The following PODXL variants were observed in gnomAD, a reference collection of about 807,000 sequenced individuals.
The protein encoded by PODXL is podocalyxin.
A neutral mutation model predicts 48.9 loss-of-function variants in PODXL; 20 were observed. That is an observed-to-expected ratio of 0.41 (90% confidence interval 0.29 to 0.59). PODXL has a LOEUF of 0.59. PODXL is among the 20% of genes least tolerant of loss of function. PODXL has a pLI of 0.31. For missense variants in PODXL, 606 were observed against 675.1 expected, an observed-to-expected ratio of 0.90 and a Z score of 1.13; for synonymous variants, 295 against 287.4, an observed-to-expected ratio of 1.03 and a Z score of -0.27.
rs370692433 is a variant in PODXL, at chr7:131,504,458, G to A, written c.1530C>T (p.Asn510=). The A allele has an allele frequency of 1.2e-6, 2 of 1,614,028 alleles. No homozygotes were observed. Among genetic ancestry groups the A allele is most frequent in the Non-Finnish European group, 1.7e-6 (2 of 1,179,968 alleles). The change falls in exon 9 of 9, where the codon AAC becomes AAT. Residue 510 remains asparagine, a synonymous_variant. Transcript: ENST00000378555. ...AGGTCTCCATCACTTCCAGTGTTGG[G>A]TTGTCATGGTAACCATTCTCCACTG... ...LQTVENGYHD[N]PTLEVMETSS...
chr7:131,521,163 A>AG lies in PODXL; in HGVS notation c.101-9731_101-9730insC, dbSNP rs112487991. On this transcript the variant is annotated intron_variant, in intron 1 of 8. Transcript: ENST00000378555. Reference sequence around the variant, plus strand: ...AGCCTGGGCGACTCCATCTCAAAAAAAAAAAAAAAGCTGAGAAGCCAAAAA... The same window carrying AG: ...AGCCTGGGCGACTCCATCTCAAAAAAGAAAAAAAAAGCTGAGAAGCCAAAAA... Among the ~76,000 whole-genome samples the AG allele has an allele frequency of 2.8e-3, 420 of 151,526 alleles. 7 individuals are homozygous for AG. The highest frequency in any genetic ancestry group is 9.6e-3 in the African/African-American group (395 of 41,316).
At chr7:131,541,290 T>A (rs778460953) in intron 1 of PODXL, among the ~76,000 whole-genome samples, 2 of 152,058 alleles carry the variant, frequency 1.3e-5, no homozygotes, top group African/African-American at 2.4e-5. Flanking sequence ...ACGATCCGAA[T>A]TTCTTTGGTG....
chr7:131,509,179 G>A (rs1246120640), intron 4 of PODXL, 151 bp from the exon 5 acceptor site: 6 of 839,882 alleles, frequency 7.1e-6, no homozygotes, highest in African/African-American at 1.7e-5. Flanking sequence ...TGTCCTGGCT[G>A]CGTGGCTTGA....
In PODXL at chr7:131,511,319, T is replaced by C. The variant is rs770115273; in HGVS notation, c.215A>G (p.Asn72Ser). Residue 72 changes from asparagine (N) to serine (S), a missense_variant, in exon 2 of 9, where the codon AAC (asparagine) becomes AGC (serine). By Grantham distance (46) the Asn-to-Ser change is conservative. Transcript: ENST00000378555. ...QQSTVPTSKA[N>S]EILASVKATT... Reference sequence around the variant, plus strand: ...CGCCTTGACCGAGGCCAAGATTTCGTTGGCCTTGGAAGTGGGGACTGTGCT... The same window carrying C: ...CGCCTTGACCGAGGCCAAGATTTCGCTGGCCTTGGAAGTGGGGACTGTGCT... The C allele has an allele frequency of 6.2e-6, 10 of 1,613,640 alleles. 1 individual carries two copies. The highest frequency in any genetic ancestry group is 3.3e-5 in the South Asian group (3 of 91,084).
At chr7:131,523,983 G>A (rs1046156440) in intron 1 of PODXL, among the ~76,000 whole-genome samples, 39 of 151,890 alleles carry the variant, frequency 2.6e-4, no homozygotes, top group Non-Finnish European at 5.4e-4. Context: ...TATTTTAGTA[G>A]AGACGGGGTT....
At chr7:131,551,841 G>A (rs1400202131) in intron 1 of PODXL, among the ~76,000 whole-genome samples, 1 of 151,864 alleles carries the variant, frequency 6.6e-6, no homozygotes, top group East Asian at 1.9e-4. Flanking sequence ...GGAGGCTGAG[G>A]CAGGAGAATG....
At chr7:131,531,860 C>T (rs1489894528) in intron 1 of PODXL, among the ~76,000 whole-genome samples, 3 of 151,822 alleles carry the variant, frequency 2.0e-5, no homozygotes, top group East Asian at 3.9e-4. Flanking sequence ...GCCTGTAATC[C>T]CGCACTTTGG....
rs1798185613 is a variant in PODXL, at chr7:131,526,356, T to C, written c.101-14923A>G. Among the ~76,000 whole-genome samples, 4 of 152,024 alleles carry C rather than the reference T, an allele frequency of 2.6e-5. No individual in the cohort carries two copies. The South Asian group carries it at 8.3e-4, about 32-fold the overall frequency. On this transcript the variant is annotated intron_variant, in intron 1 of 8. Coordinates refer to ENST00000378555, the MANE Select transcript of PODXL (RefSeq NM_001018111.3). Reference sequence around the variant, plus strand: ...CTGGATCGGAACCCCAAGAATAAAATAAATATCCACGAGTCTAATCTGATA... The same window carrying C: ...CTGGATCGGAACCCCAAGAATAAAACAAATATCCACGAGTCTAATCTGATA...
At chr7:131,520,878 A>T (rs530574804) in intron 1 of PODXL, among the ~76,000 whole-genome samples, 1 of 152,370 alleles carries the variant, frequency 6.6e-6, no homozygotes, top group African/African-American at 2.4e-5. Flanking sequence ...ACAAGAAAAA[A>T]GCTGAGAGGC....
intron 1 of PODXL, among the ~76,000 whole-genome samples, chr7:131,554,779 G>A (rs138245405): frequency 6.6e-6 from 1 of 152,288 alleles, no homozygotes; most frequent in Non-Finnish European, 1.5e-5. Context: ...CTTCTGGGTG[G>A]TTCTAAGAGG....
intron 1 of PODXL, among the ~76,000 whole-genome samples, chr7:131,547,771 C>A (rs1309473491): frequency 6.6e-6 from 1 of 152,246 alleles, no homozygotes; most frequent in Non-Finnish European, 1.5e-5. Flanking sequence ...CAGGTATGCA[C>A]CCCAAGCCCT....
chr7:131,509,825 C>T (rs1373074943), intron 3 of PODXL, among the ~76,000 whole-genome samples: 2 of 152,302 alleles, frequency 1.3e-5, no homozygotes, highest in East Asian at 3.9e-4. Context: ...AGGTACTTTC[C>T]TACTGAATCC....
At chr7:131,541,182 A>C (rs1464607766) in intron 1 of PODXL, among the ~76,000 whole-genome samples, 1 of 152,084 alleles carries the variant, frequency 6.6e-6, no homozygotes, top group Non-Finnish European at 1.5e-5. Flanking sequence ...TCACCCGCTT[A>C]CTCTGCAAAG....
At chr7:131,505,842 CT>C in intron 8 of PODXL, 25 bp downstream of exon 8, 2 of 1,542,480 alleles carry the variant, frequency 1.3e-6, no homozygotes, top group Non-Finnish European at 1.7e-6. Flanking sequence ...GCTGCTTCCC[CT>C]GTGTGGCTGC....
intron 1 of PODXL, among the ~76,000 whole-genome samples, chr7:131,513,738 G>T (rs751923015): frequency 1.3e-5 from 2 of 152,206 alleles, no homozygotes; most frequent in African/African-American, 2.4e-5. Flanking sequence ...GGTAAGCAGC[G>T]CTGGCCTCCC....
chr7:131,535,934 T>A (rs1049524104), intron 1 of PODXL, among the ~76,000 whole-genome samples: 10 of 152,130 alleles, frequency 6.6e-5, no homozygotes, highest in African/African-American at 1.9e-4. Context: ...ACTAATTAAT[T>A]TTTTGTAGAG....
rs542977535 is a variant in PODXL at position 131,506,636 on chromosome 7, G to C, written c.1192C>G (p.Arg398Gly). The change falls in exon 6 of 9, where the codon CGG (arginine) becomes GGG (glycine). Residue 398 changes from arginine (R) to glycine (G), a missense_variant. Physicochemically the swap from Arg to Gly is moderately radical, Grantham distance 125. Transcript: ENST00000378555. ...TGACTTCCTGGAACAGATGCCAGCC[G>C]TATGCCGCACTTATCTTGGGCCGGG... ...FNPAQDKCGI[R>G]LASVPGSQTV... is the part of the protein sequence containing the mutation. 2.5e-6 allele frequency: 4 copies of C among 1,614,156 alleles called. No homozygotes were observed. In the South Asian group the frequency reaches 4.4e-5, roughly 18 times the overall value.
chr7:131,527,666 CTCTT>C (rs2116827560), intron 1 of PODXL, among the ~76,000 whole-genome samples: 1 of 152,326 alleles, frequency 6.6e-6, no homozygotes, highest in Admixed American at 6.5e-5. Flanking sequence ...GTGTGGACAA[CTCTT>C]TCTCAAATGC....
rs56367324 is a variant in PODXL at position 131,510,335 on chromosome 7, GAAAAAAA to G, written c.707-11_707-5del. On this transcript the variant is annotated splice_region_variant and splice_polypyrimidine_tract_variant and intron_variant, in intron 2 of 8. Transcript: ENST00000378555. ...ACATGGTGAAACACTGTCTCTACTTGAAAAAAAAAAAAAAAAAAAAAAAAAAATTAGC... is the reference window on the plus strand; with the variant it reads ...ACATGGTGAAACACTGTCTCTACTTGAAAAAAAAAAAAAAAAAAAATTAGC... The G allele has an allele frequency of 9.5e-3, 761 of 79,882 alleles. No homozygotes were observed. The highest frequency in any genetic ancestry group is 0.019 in the South Asian group (172 of 8,868). The allele number at this position is 79,882 out of a possible 1,614,324, so 4.9% of individuals were successfully genotyped here.
Sources: gnomAD v4.1 joint callset for allele counts (sites outside exome capture counted in the v4.1 genomes callset) on GRCh38, gnomAD v4.1.1 for gene constraint, MANE v1.5 for transcripts, NCBI Gene and HGNC (gene_info 2026-07-23, HGNC 2026-07-21) for gene names.